The following NOP14 variants were observed in gnomAD, a reference collection of about 807,000 sequenced individuals.
NOP14 encodes nucleolar protein 14.
Under a neutral mutation model 101.6 loss-of-function variants are expected in NOP14, and 57 were observed. The observed-to-expected ratio is 0.56, with a 90% CI of 0.45 to 0.70. The LOEUF (loss-of-function observed/expected upper bound fraction) is 0.70, where lower values mean the gene tolerates loss of function less well. Ranked by LOEUF, NOP14 falls within the 30% of genes least tolerant of loss-of-function variation. The pLI is 0.00. For synonymous variants in NOP14, 428 were observed against 424.0 expected (o/e 1.01, Z -0.12); for missense variants, 1,134 against 1,075.5 (o/e 1.05, Z -0.76).
intron 1 of NOP14, among the ~76,000 whole-genome samples, chr4:2,958,510 C>T (rs1715500195): frequency 6.6e-6 from 1 of 152,162 alleles, no homozygotes; most frequent in East Asian, 1.9e-4. Context: ...ACAGCAATTC[C>T]GAAAGGAAAT....
chr4:2,946,913 G>A (rs1714685925), intron 10 of NOP14: 2 of 284,100 alleles, frequency 7.0e-6, no homozygotes, highest in Admixed American at 5.0e-5. Flanking sequence ...AGAAGATGAC[G>A]TGGAGAGCTC....
chr4:2,947,404 G>T, intron 10 of NOP14, 122 bp downstream of exon 10: 2 of 730,986 alleles, frequency 2.7e-6, no homozygotes, highest in Non-Finnish European at 2.3e-6. Flanking sequence ...TGCCCACTTG[G>T]CATGCTGACA....
chr4:2,945,355 G>T, intron 11 of NOP14, 126 bp from the exon 12 acceptor site: 1 of 708,876 alleles, frequency 1.4e-6, no homozygotes, highest in Non-Finnish European at 2.4e-6. Context: ...TTGGCCCAGA[G>T]CTCTGGCCTC....
At position 2,953,371 on chromosome 4, in the gene NOP14, T is replaced by C. The variant is rs1359170113; in HGVS notation, c.747+140A>G. ...CCACCCCAAGATTACACACAGCAGG[T>C]AATTCAGTATCAATGTTCAACAGAA... On this transcript the variant is annotated intron_variant, in intron 5 of 17. Transcript: ENST00000416614. 8 of 824,892 alleles carry C rather than the reference T, an allele frequency of 9.7e-6. No homozygotes were observed. The East Asian group carries it at 2.0e-4, about 21-fold the overall frequency. The allele number at this position is 824,892 out of a possible 1,614,324, so 51.1% of individuals were successfully genotyped here.
At position 2,941,688 on chromosome 4, in the gene NOP14, C is replaced by T. The variant is rs1714206878; in HGVS notation, c.2093G>A (p.Cys698Tyr). The T allele has an allele frequency of 1.9e-6, 3 of 1,613,146 alleles. No individual in the cohort carries two copies. The highest frequency in any genetic ancestry group is 1.7e-6 in the Non-Finnish European group (2 of 1,179,844). The change falls in exon 15 of 18, where the codon TGC becomes TAC. Residue 698 changes from cysteine (C) to tyrosine (Y), a missense_variant. Transcript: ENST00000416614. Reference sequence around the variant, plus strand: ...TGGCAGGGACCCGTACATGAGCACGCAGCGCTTCAGCAGGGCCAGGCCCAC... The same window carrying T: ...TGGCAGGGACCCGTACATGAGCACGTAGCGCTTCAGCAGGGCCAGGCCCAC... ...LAVGLALLKR[C>Y]VLMYGSLPSF...
chr4:2,939,027 G>A, intron 17 of NOP14, 97 bp from the exon 18 acceptor site: 14 of 1,469,404 alleles, frequency 9.5e-6, no homozygotes, highest in South Asian at 1.1e-5. Context: ...AGCCACCGTG[G>A]CCACGTTCAG....
At chr4:2,941,033 CA>C (rs1714137214) in intron 15 of NOP14, 1 of 152,968 alleles carries the variant, frequency 6.5e-6, no homozygotes, top group African/African-American at 2.6e-5. Context: ...AGGCACAAGC[CA>C]CAGCCATGTC....
At position 2,944,166 on chromosome 4, in the gene NOP14, C is replaced by G. The variant is rs747721665; in HGVS notation, c.1798G>C (p.Glu600Gln). Residue 600 changes from glutamate (E) to glutamine (Q), a missense_variant, in exon 13 of 18, where the codon GAG becomes CAG. By Grantham distance (29) the Glu-to-Gln change is conservative. Transcript: ENST00000416614. ...AACCTCTGGGACAAAGCCACATACTCCAGGAACAGGCAGCACACGAACAGG... is the reference window on the plus strand; with the variant it reads ...AACCTCTGGGACAAAGCCACATACTGCAGGAACAGGCAGCACACGAACAGG... ...KGLFVCCLFL[E>Q]YVALSQRFIP... 6.2e-7 allele frequency: 1 copy of G among 1,614,080 alleles called. No homozygotes were observed. The highest frequency in any genetic ancestry group is 2.2e-5 in the East Asian group (1 of 44,882).
chr4:2,961,882 G>C (rs1410223253), intron 1 of NOP14: 1 of 152,220 alleles, frequency 6.6e-6, no homozygotes, highest in Non-Finnish European at 1.5e-5. Flanking sequence ...CCCCGTCCCA[G>C]GCCTTCAGCA....
chr4:2,946,321 C>G, intron 11 of NOP14, 91 bp downstream of exon 11: 1 of 1,474,060 alleles, frequency 6.8e-7, no homozygotes, highest in Non-Finnish European at 9.4e-7. Flanking sequence ...GCACAGGGTA[C>G]AGCCAAGAGC....
chr4:2,938,514 A>AT lies in NOP14; in HGVS notation c.*316_*317insA. 1 of 364,720 alleles carries AT rather than the reference A, an allele frequency of 2.7e-6. No homozygotes were observed. The highest frequency in any genetic ancestry group is 5.2e-6 in the Non-Finnish European group (1 of 192,708). The allele number at this position is 364,720 out of a possible 1,614,324, so 22.6% of individuals were successfully genotyped here. ...AGCAAAACTCCGTCTCAAAAAAAAA[A>AT]ATTTTTTTTTAAGCGACACAGTCTT... On this transcript the variant is annotated 3_prime_UTR_variant, in exon 18 of 18. Coordinates refer to ENST00000416614, the MANE Select transcript of NOP14 (RefSeq NM_001291978.2).
Position 2,948,318 on chromosome 4 carries a change from T to C in NOP14, c.1373A>G (p.Asn458Ser), listed in dbSNP as rs771475388. ...LLVVERIQKC[N>S]HPSLAEGNKA... ...GTTTCCTTCTGCGAGACTCGGGTGG[T>C]TGCACTTCTGAATTCTCTCCACCAC... Residue 458 changes from asparagine (N) to serine (S), a missense_variant, in exon 9 of 18, where the codon AAC becomes AGC. Coordinates refer to ENST00000416614, the MANE Select transcript of NOP14 (RefSeq NM_001291978.2). 3.7e-6 allele frequency: 6 copies of C among 1,609,638 alleles called. No individual in the cohort carries two copies. The African/African-American group carries it at 4.0e-5, about 11-fold the overall frequency.
At chr4:2,944,010 G>T in intron 13 of NOP14, 63 bp downstream of exon 13, 2 of 1,351,800 alleles carry the variant, frequency 1.5e-6, no homozygotes, top group Non-Finnish European at 2.0e-6. Context: ...CAATGAGTAT[G>T]AACTACTTAA....
intron 5 of NOP14, 137 bp downstream of exon 5, chr4:2,953,374 T>C: frequency 1.2e-6 from 1 of 854,464 alleles, no homozygotes; most frequent in African/African-American, 1.7e-5. Flanking sequence ...CAGCAGGTAA[T>C]TCAGTATCAA....
At chr4:2,959,133 T>C (rs550727444) in intron 1 of NOP14, among the ~76,000 whole-genome samples, 2 of 152,286 alleles carry the variant, frequency 1.3e-5, no homozygotes, top group South Asian at 4.1e-4. Flanking sequence ...ACCTGAAGAG[T>C]AGGAAACCAT....
chr4:2,939,707 G>C, intron 15 of NOP14, 62 bp from the exon 16 acceptor site: 2 of 1,260,874 alleles, frequency 1.6e-6, no homozygotes, highest in Non-Finnish European at 2.3e-6. Flanking sequence ...TGAGCTCCAC[G>C]CACGGGTTCT....
intron 3 of NOP14, 22 bp downstream of exon 3, chr4:2,956,648 G>A (rs372893329): frequency 2.7e-5 from 43 of 1,604,144 alleles, no homozygotes; most frequent in Middle Eastern, 1.7e-4. Flanking sequence ...CCACAGGCCC[G>A]TGCACAGCAC....
chr4:2,958,520 TGGCATCAA>T (rs1254615272), intron 1 of NOP14, among the ~76,000 whole-genome samples: 1 of 152,234 alleles, frequency 6.6e-6, no homozygotes, highest in Non-Finnish European at 1.5e-5. Flanking sequence ...CGAAAGGAAA[TGGCATCAA>T]GGCAAAATCT....
rs763594492 is a variant in NOP14 at position 2,942,207 on chromosome 4, T to C, written c.2036A>G (p.Glu679Gly). 6.2e-7 allele frequency: 1 copy of C among 1,614,070 alleles called. No individual in the cohort carries two copies. Among genetic ancestry groups the C allele is most frequent in the Non-Finnish European group, 8.5e-7 (1 of 1,179,964 alleles). ...CCTCACATACCGGATGTGATTGGCC[T>C]CTGTCGAAGTTGGGGCCCTCAGTCT... is the stretch of plus-strand genomic sequence containing the variant. ...ASRLRAPTST[E>G]ANHIRLSCLA... The change falls in exon 14 of 18, where the codon GAG becomes GGG. Residue 679 changes from glutamate to glycine, a missense_variant. By Grantham distance (98) the Glu-to-Gly change is moderately conservative. Coordinates refer to ENST00000416614, the MANE Select transcript of NOP14 (RefSeq NM_001291978.2).
Sources: allele counts gnomAD v4.1 joint callset (sites outside exome capture counted in the v4.1 genomes callset), GRCh38; gene constraint gnomAD v4.1.1; transcripts MANE v1.5; gene names NCBI Gene and HGNC (gene_info 2026-07-23, HGNC 2026-07-21).